The following CA10 variants were observed in gnomAD, a reference collection of about 807,000 sequenced individuals.
The protein encoded by CA10 is carbonic anhydrase-related protein 10.
CA10 carries 14 observed loss-of-function variants against 44.2 expected under a neutral mutation model. That is an observed-to-expected ratio of 0.32 (90% confidence interval 0.21 to 0.50). The LOEUF (loss-of-function observed/expected upper bound fraction) is 0.50. Among genes scored for constraint, CA10 ranks in the 20% least tolerant of loss-of-function variants. The pLI is 0.99. For synonymous variants in CA10, 159 were observed against 141.6 expected (o/e 1.12, Z -0.87); for missense variants, 350 against 409.7 (o/e 0.85, Z 1.26).
intron 2 of CA10, among the ~76,000 whole-genome samples, chr17:52,047,752 A>G (rs1189695810): frequency 2.0e-5 from 3 of 151,992 alleles, no homozygotes; most frequent in Non-Finnish European, 2.9e-5. Flanking sequence ...ATGTGATTCA[A>G]TATCTTGCTT....
At chr17:51,924,259 A>G (rs1385277286) in intron 3 of CA10, among the ~76,000 whole-genome samples, 1 of 152,086 alleles carries the variant, frequency 6.6e-6, no homozygotes. Context: ...GGAAAAGGAG[A>G]GATGCATTCA....
chr17:51,639,944 G>T (rs960183176), intron 6 of CA10, among the ~76,000 whole-genome samples: 11 of 152,224 alleles, frequency 7.2e-5, no homozygotes, highest in African/African-American at 1.9e-4. Flanking sequence ...CCTAGCATAA[G>T]GTGTGGTCCA....
chr17:52,055,338 C>T (rs963026651), intron 2 of CA10, among the ~76,000 whole-genome samples: 40 of 100,448 alleles, frequency 4.0e-4, no homozygotes, highest in Non-Finnish European at 6.0e-4. Context: ...CTCATATATC[C>T]TTCTGGTGAA....
intron 3 of CA10, among the ~76,000 whole-genome samples, chr17:51,779,128 T>G (rs1905942319): frequency 6.6e-6 from 1 of 152,032 alleles, no homozygotes. Flanking sequence ...AGAACAGGTG[T>G]TTGGGAGTTG....
chr17:52,136,617 G>A (rs1989364643), intron 1 of CA10, among the ~76,000 whole-genome samples: 1 of 152,098 alleles, frequency 6.6e-6, no homozygotes, highest in Admixed American at 6.5e-5. Context: ...TTTTTGTGTG[G>A]GTGCTTGATG....
At position 51,963,231 on chromosome 17, in the gene CA10, A is replaced by T. The variant is rs528838333; in HGVS notation, c.137-32099T>A. ...ACAAAAATTAAGAAAAAAAATTTAGAAAAATGAACAAAGTCTTTGAGAAAT... is the reference window on the plus strand; with the variant it reads ...ACAAAAATTAAGAAAAAAAATTTAGTAAAATGAACAAAGTCTTTGAGAAAT... On this transcript the variant is annotated intron_variant, in intron 2 of 8. Coordinates refer to ENST00000451037, the MANE Select transcript of CA10 (RefSeq NM_020178.5). Among the ~76,000 whole-genome samples, 3 of 152,318 alleles carry T rather than the reference A, an allele frequency of 2.0e-5. No individual in the cohort carries two copies. In the East Asian group the frequency reaches 5.8e-4, roughly 29 times the overall value.
At chr17:51,864,524 A>G (rs1210670193) in intron 3 of CA10, among the ~76,000 whole-genome samples, 2 of 152,146 alleles carry the variant, frequency 1.3e-5, no homozygotes, top group African/African-American at 4.8e-5. Context: ...AGTTCATCCC[A>G]CTATCACCAT....
At chr17:51,900,412 G>GT (rs1415991692) in intron 3 of CA10, among the ~76,000 whole-genome samples, 1 of 152,110 alleles carries the variant, frequency 6.6e-6, no homozygotes, top group African/African-American at 2.4e-5. Context: ...GCCTGATGGG[G>GT]TTCTCTTTGT....
chr17:52,047,138 GA>G lies in CA10; in HGVS notation c.136+25180del, dbSNP rs2144202445. On this transcript the variant is annotated intron_variant, in intron 2 of 8. Transcript: ENST00000451037. ...TAAATCACTATTCAGCAATATAAAG[GA>G]ATGAACTGCTAATACAGTCAACAAT... is the stretch of plus-strand genomic sequence containing the variant. Among the ~76,000 whole-genome samples the G allele has an allele frequency of 1.3e-5, 2 of 152,024 alleles. 1 individual carries two copies. Among genetic ancestry groups the G allele is most frequent in the East Asian group, 3.9e-4 (2 of 5,130 alleles).
intron 4 of CA10, among the ~76,000 whole-genome samples, chr17:51,665,611 C>G (rs1281498700): frequency 6.6e-6 from 1 of 152,144 alleles, no homozygotes; most frequent in Non-Finnish European, 1.5e-5. Context: ...ATAGAGTGTA[C>G]TTATATAAAC....
intron 4 of CA10, among the ~76,000 whole-genome samples, chr17:51,712,523 G>T (rs560362918): frequency 6.6e-6 from 1 of 152,166 alleles, no homozygotes; most frequent in Non-Finnish European, 1.5e-5. Flanking sequence ...AGGATTAGAA[G>T]CCTCTGATAA....
At chr17:51,668,237 G>A (rs1156780879) in intron 4 of CA10, among the ~76,000 whole-genome samples, 1 of 152,222 alleles carries the variant, frequency 6.6e-6, no homozygotes, top group Admixed American at 6.5e-5. Flanking sequence ...GTGGTGGCAT[G>A]CATGCCATGC....
At chr17:51,946,100 G>T (rs1397405286) in intron 2 of CA10, among the ~76,000 whole-genome samples, 4 of 152,154 alleles carry the variant, frequency 2.6e-5, no homozygotes, top group Non-Finnish European at 5.9e-5. Context: ...TTCTAAAATA[G>T]TTGAACTCAC....
intron 2 of CA10, among the ~76,000 whole-genome samples, chr17:51,969,903 C>T (rs1452803520): frequency 6.6e-6 from 1 of 151,944 alleles, no homozygotes; most frequent in East Asian, 1.9e-4. Flanking sequence ...CCCTTAAATG[C>T]TCTTTGCTTC....
chr17:51,743,008 G>A (rs1409270956), intron 4 of CA10, among the ~76,000 whole-genome samples: 1 of 152,190 alleles, frequency 6.6e-6, no homozygotes, highest in African/African-American at 2.4e-5. Flanking sequence ...TTACACATCT[G>A]TGGGCAGAAG....
At chr17:51,870,798 G>A (rs891839248) in intron 3 of CA10, among the ~76,000 whole-genome samples, 43 of 152,184 alleles carry the variant, frequency 2.8e-4, no homozygotes, top group African/African-American at 1.0e-3. Context: ...TGGGGAACAT[G>A]TGTATCCCTA....
chr17:52,072,234 T>G, intron 2 of CA10, 85 bp downstream of exon 2: 1 of 961,716 alleles, frequency 1.0e-6, no homozygotes, highest in Non-Finnish European at 1.6e-6. Context: ...TGCCTCACCT[T>G]TTGCAATGTA....
chr17:51,947,498 A>T (rs1385310595), intron 2 of CA10, among the ~76,000 whole-genome samples: 1 of 152,178 alleles, frequency 6.6e-6, no homozygotes, highest in African/African-American at 2.4e-5. Context: ...ACTCAGGGAA[A>T]TTATTCTCCC....
At chr17:51,975,265 A>C (rs1281766203) in intron 2 of CA10, among the ~76,000 whole-genome samples, 1 of 152,226 alleles carries the variant, frequency 6.6e-6, no homozygotes, top group Non-Finnish European at 1.5e-5. Context: ...CAAAGAGAAA[A>C]TATAGAAAAG....
Sources: allele counts gnomAD v4.1 joint callset (sites outside exome capture counted in the v4.1 genomes callset), GRCh38; gene constraint gnomAD v4.1.1; transcripts MANE v1.5; gene names NCBI Gene and HGNC (gene_info 2026-07-23, HGNC 2026-07-21).